WDR41: variants seen among roughly 807,000 people sequenced by gnomAD.
WDR41 encodes the protein WD repeat-containing protein 41.
In WDR41, 63 loss-of-function variants were observed where a neutral mutation model predicts 69.3. The ratio of observed to expected loss-of-function variants is 0.91; its 90% CI spans 0.74 to 1.12. The LOEUF is 1.12. Among genes scored for constraint, WDR41 ranks in the 50% most tolerant of loss-of-function variants. The pLI is 0.00. For synonymous variants in WDR41, 185 were observed against 192.1 expected, an observed-to-expected ratio of 0.96 and a Z score of 0.31; for missense variants, 543 against 534.5, an observed-to-expected ratio of 1.02 and a Z score of -0.16.
intron 1 of WDR41, among the ~76,000 whole-genome samples, chr5:77,506,725 A>T (rs1412711147): frequency 6.6e-6 from 1 of 152,210 alleles, no homozygotes; most frequent in Non-Finnish European, 1.5e-5. Flanking sequence ...GGATGAGATT[A>T]TGTCCTTTGC....
chr5:77,508,448 C>T (rs1802147874), intron 1 of WDR41, among the ~76,000 whole-genome samples: 1 of 152,176 alleles, frequency 6.6e-6, no homozygotes. Context: ...TGTTGGTATT[C>T]TTTATTTGAT....
chr5:77,480,224 T>A (rs1251230444), intron 2 of WDR41: 2 of 152,294 alleles, frequency 1.3e-5, no homozygotes, highest in East Asian at 3.9e-4. Flanking sequence ...ACACTCTTGG[T>A]GGGACTGTAA....
intron 1 of WDR41, among the ~76,000 whole-genome samples, chr5:77,508,457 A>G (rs965365353): frequency 6.6e-6 from 1 of 152,128 alleles, no homozygotes; most frequent in Non-Finnish European, 1.5e-5. Context: ...TCTTTATTTG[A>G]TTAGACATTG....
intron 1 of WDR41, among the ~76,000 whole-genome samples, chr5:77,572,172 C>G (rs760328106): frequency 6.6e-5 from 10 of 152,202 alleles, no homozygotes; most frequent in Admixed American, 1.3e-4. Flanking sequence ...ATTCCTATTG[C>G]TGCTTGTACA....
At chr5:77,565,129 C>T (rs1056197561) in intron 1 of WDR41, among the ~76,000 whole-genome samples, 6 of 152,068 alleles carry the variant, frequency 3.9e-5, no homozygotes, top group African/African-American at 1.4e-4. Context: ...CACAGATTCT[C>T]AGGCTGCCCC....
chr5:77,481,207 AC>A (rs1018518591), intron 2 of WDR41, among the ~76,000 whole-genome samples: 1 of 151,808 alleles, frequency 6.6e-6, no homozygotes, highest in African/African-American at 2.4e-5. Context: ...ATGGAGTTTC[AC>A]CATGTTGGGC....
At chr5:77,526,945 A>G (rs552016665) in intron 1 of WDR41, among the ~76,000 whole-genome samples, 65 of 152,148 alleles carry the variant, frequency 4.3e-4, no homozygotes, top group African/African-American at 1.3e-3. Context: ...AATCTAGTTT[A>G]TTTGAATTTC....
At chr5:77,490,724 G>A (rs941298749) in intron 1 of WDR41, among the ~76,000 whole-genome samples, 2 of 152,166 alleles carry the variant, frequency 1.3e-5, no homozygotes, top group African/African-American at 2.4e-5. Context: ...AGGAATGGGA[G>A]ACCTGGTTAA....
chr5:77,582,332 G>A, intron 1 of WDR41: 2 of 1,556,646 alleles, frequency 1.3e-6, no homozygotes, highest in South Asian at 1.1e-5. Flanking sequence ...GTTAACAAGT[G>A]CAGAGTACGC....
At chr5:77,546,084 T>C (rs1743191398) in intron 1 of WDR41, 2 of 546,518 alleles carry the variant, frequency 3.7e-6, no homozygotes, top group Non-Finnish European at 6.2e-6. Context: ...ACTGCCACCC[T>C]GGGCAACTTC....
chr5:77,558,461 G>T (rs10062815), intron 1 of WDR41, among the ~76,000 whole-genome samples: 6,232 of 152,236 alleles, frequency 0.041, 284 homozygotes, highest in Admixed American at 0.12. Flanking sequence ...CACCAAAAGA[G>T]CCTCGCTGAC....
rs4419571 is a variant in WDR41 at position 77,510,252 on chromosome 5, C to T, written c.43-20680G>A. Among the ~76,000 whole-genome samples the T allele has an allele frequency of 7.3e-3, 1,110 of 152,168 alleles. 12 individuals carry two copies. Among genetic ancestry groups the T allele is most frequent in the Middle Eastern group, 0.031 (9 of 294 alleles). ...AGAGAGAGCTTGTGCAGAGAAACTCCCGTTTTTAAAACCATCAGATCTCGT... is the reference window on the plus strand; with the variant it reads ...AGAGAGAGCTTGTGCAGAGAAACTCTCGTTTTTAAAACCATCAGATCTCGT... On this transcript the variant is annotated intron_variant, in intron 1 of 5. Transcript: ENST00000509971.
intron 1 of WDR41, among the ~76,000 whole-genome samples, chr5:77,605,440 T>C (rs1744397107): frequency 6.6e-6 from 1 of 152,214 alleles, no homozygotes; most frequent in Non-Finnish European, 1.5e-5. Context: ...GAGTGGTGTG[T>C]GGTGGAAGTT....
At chr5:77,470,891 T>C (rs1184889174) in intron 2 of WDR41, among the ~76,000 whole-genome samples, 1 of 151,986 alleles carries the variant, frequency 6.6e-6, no homozygotes, top group Non-Finnish European at 1.5e-5. Context: ...AACAAGGATA[T>C]CCAGGAATTG....
chr5:77,595,400 A>G (rs1205271879), intron 1 of WDR41, among the ~76,000 whole-genome samples: 1 of 152,168 alleles, frequency 6.6e-6, no homozygotes, highest in Non-Finnish European at 1.5e-5. Flanking sequence ...AGTAACAGTT[A>G]CCAGCATGAT....
intron 1 of WDR41, among the ~76,000 whole-genome samples, chr5:77,504,472 T>C (rs1192470309): frequency 1.3e-5 from 2 of 152,216 alleles, no homozygotes; most frequent in Non-Finnish European, 2.9e-5. Context: ...CCATTCCTTC[T>C]GAAACTATTC....
At chr5:77,488,674 GTCAT>G (rs1801629001) in intron 2 of WDR41, among the ~76,000 whole-genome samples, 1 of 152,130 alleles carries the variant, frequency 6.6e-6, no homozygotes. Flanking sequence ...AGTCTGGAGA[GTCAT>G]TCATTCACTC....
Position 77,517,817 on chromosome 5 carries a change from C to T in WDR41, c.43-28245G>A, listed in dbSNP as rs548846401. On this transcript the variant is annotated intron_variant, in intron 1 of 5. Transcript: ENST00000509971. ...CAGTTAAAGCATAAGATAGCCAAAA[C>T]GGTAAAAATAATAATAAGAAGAAAC... Among the ~76,000 whole-genome samples, 4 of 151,790 alleles carry T rather than the reference C, an allele frequency of 2.6e-5. 1 individual carries two copies. The highest frequency in any genetic ancestry group is 3.9e-4 in the East Asian group (2 of 5,162).
intron 1 of WDR41, among the ~76,000 whole-genome samples, chr5:77,567,392 C>T (rs1168798022): frequency 6.6e-6 from 1 of 152,006 alleles, no homozygotes; most frequent in Non-Finnish European, 1.5e-5. Context: ...AAAAGATTTG[C>T]ACTCTTGGCT....
Sources: allele counts gnomAD v4.1 joint callset (sites outside exome capture counted in the v4.1 genomes callset), GRCh38; gene constraint gnomAD v4.1.1; transcripts MANE v1.5; gene names NCBI Gene and HGNC (gene_info 2026-07-23, HGNC 2026-07-21).